The following CNTNAP2 variants were observed in gnomAD, a reference collection of about 807,000 sequenced individuals.
The protein encoded by CNTNAP2 is contactin-associated protein-like 2.
Under a neutral mutation model 155.2 loss-of-function variants are expected in CNTNAP2, and 98 were observed. That is an observed-to-expected ratio of 0.63 (90% CI 0.54 to 0.75). The LOEUF (loss-of-function observed/expected upper bound fraction) is 0.75. Among genes scored for constraint, CNTNAP2 ranks in the 30% least tolerant of loss-of-function variants. The pLI is 0.00. For synonymous variants in CNTNAP2, 651 were observed against 631.2 expected (o/e 1.03, Z -0.47); for missense variants, 1,727 against 1,688.1 (o/e 1.02, Z -0.40).
At chr7:147,626,259 CT>C (rs1475591377) in intron 12 of CNTNAP2, among the ~76,000 whole-genome samples, 4 of 151,970 alleles carry the variant, frequency 2.6e-5, no homozygotes, top group Non-Finnish European at 4.4e-5. Context: ...GCCATGCTTG[CT>C]TTTTTAGTGG....
intron 3 of CNTNAP2, among the ~76,000 whole-genome samples, chr7:147,025,234 C>T (rs1472839304): frequency 2.9e-5 from 4 of 137,222 alleles, no homozygotes; most frequent in Non-Finnish European, 4.6e-5. Context: ...TTCAGTAAGC[C>T]GGAATCATGC....
At chr7:146,393,665 A>T (rs2129106940) in intron 1 of CNTNAP2, among the ~76,000 whole-genome samples, 1 of 152,138 alleles carries the variant, frequency 6.6e-6, no homozygotes, top group African/African-American at 2.4e-5. Flanking sequence ...TCATTTGTTT[A>T]GTTTGTTATC....
At chr7:147,877,990 A>C (rs1413554229) in intron 13 of CNTNAP2, among the ~76,000 whole-genome samples, 1 of 152,212 alleles carries the variant, frequency 6.6e-6, no homozygotes, top group Non-Finnish European at 1.5e-5. Context: ...CCTGCCTGTC[A>C]TCTTGATGGT....
At chr7:147,113,895 G>T (rs934135839) in intron 5 of CNTNAP2, among the ~76,000 whole-genome samples, 1 of 152,054 alleles carries the variant, frequency 6.6e-6, no homozygotes, top group Non-Finnish European at 1.5e-5. Context: ...AATTCTTTTA[G>T]TTGTGATGCT....
Position 147,756,023 on chromosome 7 carries a change from T to G in CNTNAP2, c.2098+116717T>G, listed in dbSNP as rs1468194754. Among the ~76,000 whole-genome samples, 3 of 152,184 alleles carry G rather than the reference T, an allele frequency of 2.0e-5. No individual in the cohort carries two copies. The East Asian group carries it at 5.8e-4, about 29-fold the overall frequency. ...TTTTTCTTTTTAACTTCCCAACTCT[T>G]TTGGGGACAGCTAAGTAAACACAGC... On this transcript the variant is annotated intron_variant, in intron 13 of 23. Transcript: ENST00000361727.
intron 14 of CNTNAP2, among the ~76,000 whole-genome samples, chr7:147,915,604 A>G (rs969610860): frequency 1.3e-5 from 2 of 151,088 alleles, no homozygotes; most frequent in East Asian, 2.0e-4. Flanking sequence ...CTATCAATAT[A>G]TTTTCTTTCT....
intron 3 of CNTNAP2, among the ~76,000 whole-genome samples, chr7:146,968,879 T>C (rs1175738471): frequency 6.9e-6 from 1 of 145,156 alleles, no homozygotes; most frequent in Non-Finnish European, 1.5e-5. Context: ...CTCTTGCTTT[T>C]CTAGTTCTTT....
intron 3 of CNTNAP2, among the ~76,000 whole-genome samples, chr7:147,019,005 T>C (rs958732211): frequency 6.6e-6 from 1 of 152,074 alleles, no homozygotes; most frequent in Non-Finnish European, 1.5e-5. Context: ...CAGTGAGTAA[T>C]ATCAAAATTA....
intron 8 of CNTNAP2, among the ~76,000 whole-genome samples, chr7:147,143,673 G>A (rs1031517742): frequency 1.3e-5 from 2 of 151,992 alleles, no homozygotes; most frequent in Admixed American, 1.3e-4. Context: ...AAGAAGAGTA[G>A]CAAATATCTC....
intron 1 of CNTNAP2, among the ~76,000 whole-genome samples, chr7:146,649,896 A>G (rs1204652882): frequency 3.3e-5 from 5 of 152,196 alleles, no homozygotes; most frequent in South Asian, 2.1e-4. Flanking sequence ...TATGCGGCCA[A>G]TAAACATATG....
intron 12 of CNTNAP2, among the ~76,000 whole-genome samples, chr7:147,585,519 T>G (rs1029832171): frequency 6.7e-6 from 1 of 150,084 alleles, no homozygotes; most frequent in African/African-American, 2.4e-5. Flanking sequence ...TATAGATAGA[T>G]GATATATATA....
intron 13 of CNTNAP2, among the ~76,000 whole-genome samples, chr7:147,663,565 T>C (rs1795649072): frequency 6.6e-6 from 1 of 152,260 alleles, no homozygotes; most frequent in Non-Finnish European, 1.5e-5. Context: ...AGATTCCACA[T>C]GGACATCTTA....
intron 3 of CNTNAP2, among the ~76,000 whole-genome samples, chr7:146,901,976 C>A (rs189641387): frequency 1.3e-5 from 2 of 148,562 alleles, no homozygotes; most frequent in South Asian, 4.4e-4. Context: ...CCCGGGTTCA[C>A]GCCATTCTCC....
At chr7:147,352,345 C>T (rs1489316609) in intron 9 of CNTNAP2, among the ~76,000 whole-genome samples, 1 of 151,888 alleles carries the variant, frequency 6.6e-6, no homozygotes, top group Non-Finnish European at 1.5e-5. Flanking sequence ...TCTTGCTTCC[C>T]TCAGGACTAA....
At chr7:146,845,169 G>T (rs1481498439) in intron 3 of CNTNAP2, among the ~76,000 whole-genome samples, 3 of 152,048 alleles carry the variant, frequency 2.0e-5, no homozygotes, top group Non-Finnish European at 4.4e-5. Flanking sequence ...GAAACATTTG[G>T]ATTTTCTGAA....
At chr7:147,449,772 T>C (rs2116566211) in intron 10 of CNTNAP2, among the ~76,000 whole-genome samples, 1 of 152,348 alleles carries the variant, frequency 6.6e-6, no homozygotes, top group Admixed American at 6.5e-5. Context: ...ACAAGTGACT[T>C]GACATGTTTC....
chr7:147,143,143 T>A (rs1035267431), intron 8 of CNTNAP2, among the ~76,000 whole-genome samples: 4 of 152,210 alleles, frequency 2.6e-5, no homozygotes, highest in African/African-American at 7.2e-5. Flanking sequence ...TTTGCTTTTT[T>A]GGTTTGATTC....
At chr7:147,682,046 G>T (rs539451013) in intron 13 of CNTNAP2, among the ~76,000 whole-genome samples, 1 of 151,992 alleles carries the variant, frequency 6.6e-6, no homozygotes, top group South Asian at 2.1e-4. Context: ...TAAAAGTAAA[G>T]GTTATTAGAA....
chr7:147,519,155 G>T (rs1040085241), intron 11 of CNTNAP2, among the ~76,000 whole-genome samples: 1 of 152,068 alleles, frequency 6.6e-6, no homozygotes, highest in Non-Finnish European at 1.5e-5. Context: ...GTCTGAAACG[G>T]GTCTCACTAG....
Sources: gnomAD v4.1 joint callset for allele counts (sites outside exome capture counted in the v4.1 genomes callset) on GRCh38, gnomAD v4.1.1 for gene constraint, MANE v1.5 for transcripts, NCBI Gene and HGNC (gene_info 2026-07-23, HGNC 2026-07-21) for gene names.